The following KDM3A variants were observed in gnomAD, a reference collection of about 807,000 sequenced individuals.
The protein encoded by KDM3A is lysine-specific demethylase 3A.
In KDM3A, 60 loss-of-function variants were observed where a neutral mutation model predicts 158.0. The observed-to-expected ratio is 0.38, with a 90% CI of 0.31 to 0.47. KDM3A has a LOEUF of 0.47. KDM3A is among the 20% of genes least tolerant of loss of function. KDM3A has a pLI of 0.99. For missense variants in KDM3A, 1,319 were observed against 1,574.3 expected, an observed-to-expected ratio of 0.84 and a Z score of 2.74; for synonymous variants, 608 against 549.3, an observed-to-expected ratio of 1.11 and a Z score of -1.49.
At chr2:86,449,671 G>C in intron 2 of KDM3A, 136 bp from the exon 3 acceptor site, 1 of 909,348 alleles carries the variant, frequency 1.1e-6, no homozygotes, top group Non-Finnish European at 1.6e-6. Flanking sequence ...GGAAGTGAGG[G>C]AGCTGGAAGG....
At chr2:86,490,445 C>G (rs1481725737) in intron 23 of KDM3A, 2 of 154,442 alleles carry the variant, frequency 1.3e-5, no homozygotes, top group Admixed American at 6.4e-5. Flanking sequence ...TATTGTCACT[C>G]TGAGTCTCTG....
chr2:86,463,972 A>G, intron 8 of KDM3A, 81 bp from the exon 9 acceptor site: 1 of 1,054,944 alleles, frequency 9.5e-7, no homozygotes, highest in Non-Finnish European at 1.3e-6. Flanking sequence ...GTATTAAGCA[A>G]ATGATCTTAA....
At chr2:86,461,923 T>TA (rs1462916695) in intron 8 of KDM3A, among the ~76,000 whole-genome samples, 1 of 152,082 alleles carries the variant, frequency 6.6e-6, no homozygotes, top group East Asian at 1.9e-4. Flanking sequence ...GCAGGAGTGG[T>TA]AAGGAGACTG....
intron 14 of KDM3A, among the ~76,000 whole-genome samples, 170 bp from the exon 15 acceptor site, chr2:86,478,438 A>G (rs1364922093): frequency 6.6e-6 from 1 of 152,192 alleles, no homozygotes; most frequent in Non-Finnish European, 1.5e-5. Context: ...TTTGTGGGAT[A>G]GTTTTGTAGT....
At position 86,453,973 on chromosome 2, in the gene KDM3A, T is replaced by C. The variant is rs183311505; in HGVS notation, c.454-1112T>C. On this transcript the variant is annotated intron_variant, in intron 4 of 25. Transcript: ENST00000312912. ...TTTGGCAAGTTATTCCTATTGACAG[T>C]TTCTGTATTACATTTATCATAACTG... Among the ~76,000 whole-genome samples, 5 of 152,302 alleles carry C rather than the reference T, an allele frequency of 3.3e-5. No individual in the cohort carries two copies. In the East Asian group the frequency reaches 9.6e-4, roughly 29 times the overall value.
At chr2:86,469,238 C>G (rs1673292855) in intron 10 of KDM3A, among the ~76,000 whole-genome samples, 1 of 152,136 alleles carries the variant, frequency 6.6e-6, no homozygotes, top group Non-Finnish European at 1.5e-5. Context: ...TTAAAACCTT[C>G]TTTGGTTTGG....
chr2:86,480,096 G>A, intron 15 of KDM3A, 71 bp from the exon 16 acceptor site: 1 of 1,208,080 alleles, frequency 8.3e-7, no homozygotes, highest in Non-Finnish European at 1.2e-6. Flanking sequence ...TCGGCTATTA[G>A]GAGAGAAGAA....
intron 9 of KDM3A, 81 bp from the exon 10 acceptor site, chr2:86,466,291 G>A: frequency 7.2e-7 from 1 of 1,384,666 alleles, no homozygotes. Context: ...TTACCTTAGG[G>A]AACCAAACAG....
At chr2:86,440,891 T>C (rs1165618896), upstream of KDM3A, 1 of 152,314 alleles carries the variant, frequency 6.6e-6, no homozygotes, top group Non-Finnish European at 1.5e-5. Flanking sequence ...CCTCACCCTT[T>C]CCTGTGAGAT....
chr2:86,464,123 C>T lies in KDM3A; in HGVS notation c.914C>T (p.Thr305Ile). 2 of 1,612,658 alleles carry T rather than the reference C, an allele frequency of 1.2e-6. No homozygotes were observed. Among genetic ancestry groups the T allele is most frequent in the Non-Finnish European group, 1.7e-6 (2 of 1,178,954 alleles). ...TTTAAGGAGATACTGCTTGGCTGTA[C>T]TGCGGCAACTCCACCTAGTAAGGAC... ...TVFKEILLGC[T>I]AATPPSKDPR... The change falls in exon 9 of 26, where the codon ACT (threonine) becomes ATT (isoleucine). Residue 305 changes from threonine to isoleucine, a missense_variant. Thr to Ile is a moderately conservative substitution (Grantham distance 89). Coordinates refer to ENST00000312912, the MANE Select transcript of KDM3A (RefSeq NM_018433.6).
intron 17 of KDM3A, among the ~76,000 whole-genome samples, 171 bp from the exon 18 acceptor site, chr2:86,482,287 C>G (rs1673968285): frequency 6.6e-6 from 1 of 152,162 alleles, no homozygotes; most frequent in African/African-American, 2.4e-5. Flanking sequence ...CCACTTTCTC[C>G]TGTTACCTCA....
At chr2:86,480,405 T>G in intron 16 of KDM3A, 43 bp downstream of exon 16, 1 of 1,540,216 alleles carries the variant, frequency 6.5e-7, no homozygotes, top group Non-Finnish European at 8.9e-7. Flanking sequence ...AGTATTTTAG[T>G]CCATTCGTGG....
intron 19 of KDM3A, 137 bp downstream of exon 19, chr2:86,484,295 C>A: frequency 1.5e-6 from 1 of 680,434 alleles, no homozygotes; most frequent in Non-Finnish European, 2.5e-6. Flanking sequence ...TCTCTCCTCC[C>A]CTTCCTTGTT....
At chr2:86,477,442 G>C (rs1191943154) in intron 12 of KDM3A, among the ~76,000 whole-genome samples, 1 of 152,184 alleles carries the variant, frequency 6.6e-6, no homozygotes, top group African/African-American at 2.4e-5. Context: ...TTGTGGATCT[G>C]AGTAAATTTT....
intron 15 of KDM3A, 122 bp from the exon 16 acceptor site, chr2:86,480,045 T>TA: frequency 1.4e-6 from 1 of 729,950 alleles, no homozygotes; most frequent in Non-Finnish European, 2.4e-6. Flanking sequence ...CAGGGCTAAC[T>TA]ATTAGGTGGT....
At position 86,464,046 on chromosome 2, in the gene KDM3A, C is replaced by T. The variant is rs1467525006; in HGVS notation, c.844-7C>T. 1 of 1,558,134 alleles carries T rather than the reference C, an allele frequency of 6.4e-7. No individual in the cohort carries two copies. The highest frequency in any genetic ancestry group is 2.3e-5 in the East Asian group (1 of 42,792). On this transcript the variant is annotated splice_region_variant and splice_polypyrimidine_tract_variant and intron_variant, in intron 8 of 25. Coordinates refer to ENST00000312912, the MANE Select transcript of KDM3A (RefSeq NM_018433.6). ...CTTTTAATATCTGTTGGTTTGGTAT[C>T]TTCTAGGCCTCTCCCAGTATGTGTC...
intron 9 of KDM3A, among the ~76,000 whole-genome samples, chr2:86,465,756 T>G (rs555597737): frequency 6.6e-6 from 1 of 152,194 alleles, no homozygotes; most frequent in Non-Finnish European, 1.5e-5. Context: ...TTGAAGGGAT[T>G]TCTAACATTT....
In KDM3A at chr2:86,470,186, A is replaced by T. The variant is rs373878770; in HGVS notation, c.1520-18A>T. The T allele has an allele frequency of 1.2e-6, 2 of 1,611,456 alleles. No homozygotes were observed. Among genetic ancestry groups the T allele is most frequent in the Non-Finnish European group, 1.7e-6 (2 of 1,178,126 alleles). ...TAAAAATTTGAGGTCCTGTCTCCTT[A>T]ATCTTTTGTTTTCCTAGCCCCATCC... On this transcript the variant is annotated intron_variant, in intron 10 of 25. Coordinates refer to ENST00000312912, the MANE Select transcript of KDM3A (RefSeq NM_018433.6).
intron 2 of KDM3A, among the ~76,000 whole-genome samples, chr2:86,449,376 TGGG>T (rs1297218604): frequency 6.6e-6 from 1 of 152,188 alleles, no homozygotes; most frequent in Non-Finnish European, 1.5e-5. Context: ...ATTGTGGTGA[TGGG>T]GGGTCATCTT....
Sources: allele counts gnomAD v4.1 joint callset (sites outside exome capture counted in the v4.1 genomes callset), GRCh38; gene constraint gnomAD v4.1.1; transcripts MANE v1.5; gene names NCBI Gene and HGNC (gene_info 2026-07-23, HGNC 2026-07-21).